The following CEP164 variants were observed in gnomAD, a reference collection of about 807,000 sequenced individuals.
The protein encoded by CEP164 is centrosomal protein 164.
In CEP164, 162 loss-of-function variants were observed where a neutral mutation model predicts 182.7. The observed-to-expected ratio is 0.89, with a 90% CI of 0.78 to 1.01. The LOEUF is 1.01. Ranked by LOEUF, CEP164 falls within the 50% of genes least tolerant of loss-of-function variation. CEP164 has a pLI of 0.00. For missense variants in CEP164, 1,735 were observed against 1,790.4 expected (o/e 0.97, Z 0.56); for synonymous variants, 661 against 690.0 (o/e 0.96, Z 0.66).
Position 117,382,839 on chromosome 11 carries a change from G to C in CEP164, c.1621G>C (p.Glu541Gln), listed in dbSNP as rs779700431. Residue 541 changes from glutamate to glutamine, a missense_variant, in exon 14 of 33, where the codon GAG becomes CAG. Coordinates refer to ENST00000278935, the MANE Select transcript of CEP164 (RefSeq NM_014956.5). Reference protein sequence around the residue: ...SPPAACEKGKEQHSQAEELGP... With the variant: ...SPPAACEKGKQQHSQAEELGP... ...ACCTGCTGCCTGTGAGAAGGGCAAG[G>C]AGCAGCATTCCCAGGCCGAGGAGCT... 1 of 1,614,152 alleles carries C rather than the reference G, an allele frequency of 6.2e-7. No individual in the cohort carries two copies. The highest frequency in any genetic ancestry group is 8.5e-7 in the Non-Finnish European group (1 of 1,180,018).
At position 117,409,148 on chromosome 11, in the gene CEP164, C is replaced by A; in HGVS notation, c.3748+120C>A. The A allele has an allele frequency of 7.5e-7, 1 of 1,337,356 alleles. No individual in the cohort carries two copies. Among genetic ancestry groups the A allele is most frequent in the Non-Finnish European group, 1.0e-6 (1 of 974,124 alleles). 82.8% of individuals were successfully genotyped at this position (1,337,356 alleles called of 1,614,324 possible). The stretch of plus-strand genomic sequence containing the variant: ...GAGGGAGGCCTCTGTGAGCCGGTGT[C>A]TGGACTAGGTGCTCGGTCAGTGCTG... On this transcript the variant is annotated intron_variant, in intron 29 of 32. Coordinates refer to ENST00000278935, the MANE Select transcript of CEP164 (RefSeq NM_014956.5). The surrounding 1 kb of genome is among the most constrained non-coding windows in gnomAD (Gnocchi z 4.4).
chr11:117,397,719 C>T (rs1468990558), intron 27 of CEP164, among the ~76,000 whole-genome samples: 4 of 152,098 alleles, frequency 2.6e-5, no homozygotes, highest in African/African-American at 7.2e-5. Flanking sequence ...ATCAGGATCT[C>T]GGGAGACTTA....
chr11:117,328,995 A>G (rs189216813), intron 1 of CEP164, among the ~76,000 whole-genome samples: 1 of 152,276 alleles, frequency 6.6e-6, no homozygotes, highest in Admixed American at 6.5e-5. Flanking sequence ...TTAGTTCATA[A>G]TTTCTTGCTT....
chr11:117,356,300 C>T, intron 5 of CEP164: 1 of 1,112,736 alleles, frequency 9.0e-7, no homozygotes, highest in Non-Finnish European at 1.1e-6. Context: ...GGGCCTGGGG[C>T]TGCCTGAGAG....
intron 9 of CEP164, 74 bp from the exon 10 acceptor site, chr11:117,373,677 A>G (rs966127008): frequency 1.5e-6 from 2 of 1,350,312 alleles, no homozygotes; most frequent in African/African-American, 1.4e-5. Context: ...TGGCCTGAAC[A>G]GAATTCCCTG....
At chr11:117,374,392 G>A (rs144703452) in intron 10 of CEP164, among the ~76,000 whole-genome samples, 1 of 152,276 alleles carries the variant, frequency 6.6e-6, no homozygotes, top group African/African-American at 2.4e-5. Context: ...ATAGTTCAGG[G>A]TGCTTTTTGG....
At chr11:117,363,352 T>G in intron 7 of CEP164, 77 bp from the exon 8 acceptor site, 1 of 1,075,048 alleles carries the variant, frequency 9.3e-7, no homozygotes, top group Admixed American at 1.8e-5. Context: ...AGTGCCCCAC[T>G]TTTCCCTCTG....
rs572991602 is a variant in CEP164 at position 117,377,437 on chromosome 11, A to T, written c.1317+1646A>T. On this transcript the variant is annotated intron_variant, in intron 11 of 32. Transcript: ENST00000278935. Reference sequence around the variant, plus strand: ...GTGACCTGCCTGTTGTGATGTGGGTAACAGTGCTCAGTGTGGCTGACCAAG... The same window carrying T: ...GTGACCTGCCTGTTGTGATGTGGGTTACAGTGCTCAGTGTGGCTGACCAAG... 9.3e-4 allele frequency among the ~76,000 whole-genome samples: 142 copies of T among 152,308 alleles called. 2 individuals are homozygous for T. The highest frequency in any genetic ancestry group is 3.2e-3 in the African/African-American group (134 of 41,570).
Position 117,394,280 on chromosome 11 carries a change from G to A in CEP164, c.2617-70G>A, listed in dbSNP as rs2136414583. ...TTACTGATGCAAGGCTGCAGGGCTA[G>A]GGGAGCTGTGATTTTTGTGGTAGAA... On this transcript the variant is annotated intron_variant, in intron 20 of 32. Coordinates refer to ENST00000278935, the MANE Select transcript of CEP164 (RefSeq NM_014956.5). This position sits in a 1 kb window ranked among gnomAD's most constrained non-coding sequence, Gnocchi z 4.0. 6.5e-7 allele frequency: 1 copy of A among 1,544,420 alleles called. No individual in the cohort carries two copies. Among genetic ancestry groups the A allele is most frequent in the Non-Finnish European group, 8.8e-7 (1 of 1,141,812 alleles).
chr11:117,373,890 A>G, intron 10 of CEP164, 59 bp downstream of exon 10: 2 of 1,466,224 alleles, frequency 1.4e-6, no homozygotes, highest in Admixed American at 3.4e-5. Context: ...GTGAGCCTCC[A>G]GGGTTAAGTA....
chr11:117,355,069 A>G, intron 5 of CEP164: 6 of 1,289,804 alleles, frequency 4.7e-6, no homozygotes, highest in Non-Finnish European at 5.1e-6. Flanking sequence ...ATAACAAAGG[A>G]AAGAGCCCAG....
Position 117,344,407 on chromosome 11 carries a change from C to T in CEP164, c.194+130C>T, listed in dbSNP as rs1023896997. 5 of 614,710 alleles carry T rather than the reference C, an allele frequency of 8.1e-6. No homozygotes were observed. The Middle Eastern group carries it at 7.7e-4, about 95-fold the overall frequency. 38.1% of individuals were successfully genotyped at this position (614,710 alleles called of 1,614,324 possible). ...TACAGTCAGGGACAGTACTGTGCCA[C>T]CCCTCTGCTATGCTGCCTGCTATTT... is the stretch of plus-strand genomic sequence containing the variant. On this transcript the variant is annotated intron_variant, in intron 4 of 32. Coordinates refer to ENST00000278935, the MANE Select transcript of CEP164 (RefSeq NM_014956.5).
chr11:117,398,875 G>C (rs2045828190), intron 27 of CEP164, among the ~76,000 whole-genome samples: 1 of 152,222 alleles, frequency 6.6e-6, no homozygotes, highest in Admixed American at 6.5e-5. Flanking sequence ...CCTATGACAT[G>C]TCCTGGAGAT....
intron 9 of CEP164, 29 bp from the exon 10 acceptor site, chr11:117,373,722 G>C: frequency 6.2e-7 from 1 of 1,601,046 alleles, no homozygotes; most frequent in South Asian, 1.1e-5. Context: ...TCTGCTCTGA[G>C]GGATTTCTCT....
chr11:117,345,853 A>C (rs980501318), intron 4 of CEP164, among the ~76,000 whole-genome samples: 1 of 152,064 alleles, frequency 6.6e-6, no homozygotes, highest in East Asian at 1.9e-4. Context: ...ACACCTGGCT[A>C]ATTTTGTATT....
intron 27 of CEP164, among the ~76,000 whole-genome samples, chr11:117,402,794 A>G (rs1428288431): frequency 1.3e-5 from 2 of 152,124 alleles, no homozygotes; most frequent in African/African-American, 4.8e-5. Context: ...GATCTGTCTA[A>G]TATTGGCAGT....
chr11:117,380,771 C>T (rs561639919), intron 12 of CEP164, 66 bp downstream of exon 12: 2 of 1,474,806 alleles, frequency 1.4e-6, no homozygotes, highest in African/African-American at 2.8e-5. Flanking sequence ...GGGCAGAATT[C>T]TTGGCTTTGG....
chr11:117,392,582 C>T lies in CEP164; in HGVS notation c.2448C>T (p.His816=), dbSNP rs183208808. 1.1e-5 allele frequency: 17 copies of T among 1,614,162 alleles called. 1 individual carries two copies. In the East Asian group the frequency reaches 3.3e-4, roughly 32 times the overall value. The change falls in exon 19 of 33, where the codon CAC becomes CAT. Residue 816 remains histidine (H), a synonymous_variant. Coordinates refer to ENST00000278935, the MANE Select transcript of CEP164 (RefSeq NM_014956.5). ...QLQKCLGQVE[H]RVHQKSYHVA... ...AGAAGTGCCTTGGGCAAGTGGAGCACAGAGTTCACCAGAAGTCTTATCACG... is the reference window on the plus strand; with the variant it reads ...AGAAGTGCCTTGGGCAAGTGGAGCATAGAGTTCACCAGAAGTCTTATCACG...
chr11:117,391,324 T>TG, intron 17 of CEP164, 109 bp downstream of exon 17: 1 of 1,069,036 alleles, frequency 9.4e-7, no homozygotes, highest in Non-Finnish European at 1.4e-6. Context: ...GCGTGCAGGC[T>TG]GGGGAGCCAG....
Sources: allele counts gnomAD v4.1 joint callset (sites outside exome capture counted in the v4.1 genomes callset), GRCh38; gene constraint gnomAD v4.1.1; non-coding constraint Gnocchi (gnomAD v3.1); transcripts MANE v1.5; gene names NCBI Gene and HGNC (gene_info 2026-07-23, HGNC 2026-07-21).